The following FBLN7 variants were observed in gnomAD, a reference collection of about 807,000 sequenced individuals.
The protein encoded by FBLN7 is fibulin-7.
A neutral mutation model predicts 44.0 loss-of-function variants in FBLN7; 31 were observed. The ratio of observed to expected loss-of-function variants is 0.70; its 90% CI spans 0.53 to 0.95. The LOEUF is 0.95. Among genes scored for constraint, FBLN7 ranks in the 40% least tolerant of loss-of-function variants. FBLN7 has a pLI of 0.00. For synonymous variants in FBLN7, 262 were observed against 253.4 expected (o/e 1.03, Z -0.32); for missense variants, 573 against 618.5 (o/e 0.93, Z 0.78).
At chr2:112,196,679 C>G in the FBLN7 span, among the ~76,000 whole-genome samples, 1 of 152,154 alleles carries the variant, frequency 6.6e-6, no homozygotes, top group East Asian at 1.9e-4. Context: ...AGCTCTGTCC[C>G]AGCCTCTTGC....
At chr2:112,234,489 T>TA in the FBLN7 span, among the ~76,000 whole-genome samples, 2 of 152,154 alleles carry the variant, frequency 1.3e-5, no homozygotes, top group South Asian at 4.1e-4. Context: ...CTTTATTTTG[T>TA]AAAAATGAAT....
chr2:112,181,829 A>G lies in FBLN7; in HGVS notation c.623A>G (p.Glu208Gly), dbSNP rs530268620. 7.2e-5 allele frequency: 110 copies of G among 1,522,020 alleles called. No individual in the cohort carries two copies. In the African/African-American group the frequency reaches 1.2e-3, roughly 16 times the overall value. 94.3% of individuals were successfully genotyped at this position (1,522,020 alleles called of 1,614,324 possible). A position where few individuals can be genotyped will look rare whatever the true frequency, so the allele number is the denominator to read the frequency against. The change falls in exon 5 of 8, where the codon GAG becomes GGG. Residue 208 changes from glutamate to glycine, a missense_variant. Glu to Gly is a moderately conservative substitution (Grantham distance 98). Coordinates refer to ENST00000331203, the MANE Select transcript of FBLN7 (RefSeq NM_153214.3). ...QVERAQHCSC[E>G]AGFHLSGAAG... The stretch of plus-strand genomic sequence containing the variant: ...GAGCGGGCTCAGCACTGCAGCTGCG[A>G]GGCCGGATTCCACCTGAGCGGCGCC...
the FBLN7 span, among the ~76,000 whole-genome samples, chr2:112,220,310 G>A: frequency 4.0e-4 from 61 of 152,230 alleles, no homozygotes; most frequent in South Asian, 0.011. Flanking sequence ...CCCATATTTC[G>A]CACTCCCTTC....
intron 1 of FBLN7, among the ~76,000 whole-genome samples, chr2:112,148,714 G>T (rs866964836): frequency 6.6e-6 from 1 of 152,148 alleles, no homozygotes; most frequent in Non-Finnish European, 1.5e-5. Context: ...GCTCTGCTCC[G>T]TGAGGCCTCT....
intron 7 of FBLN7, 43 bp downstream of exon 7, chr2:112,185,382 A>G: frequency 6.3e-7 from 1 of 1,595,192 alleles, no homozygotes; most frequent in Admixed American, 1.7e-5. Flanking sequence ...CAGGCCTCCA[A>G]GTGTGGCTGG....
chr2:112,220,289 G>A, the FBLN7 span, among the ~76,000 whole-genome samples: 11 of 152,186 alleles, frequency 7.2e-5, no homozygotes, highest in Admixed American at 7.2e-4. Flanking sequence ...GGCCAGTAAT[G>A]GTCTTTACTT....
At position 112,185,327 on chromosome 2, in the gene FBLN7, A is replaced by C. The variant is rs755934346; in HGVS notation, c.935A>C (p.Lys312Thr). ...PEGSGNVSYV[K>T]TSPFQCERNP... The stretch of plus-strand genomic sequence containing the variant: ...GGCAGCGGCAATGTGAGCTACGTGA[A>C]GACGTCTCCATTGTGAGTATCTCCA... Residue 312 changes from lysine (K) to threonine (T), a missense_variant, in exon 7 of 8, where the codon AAG (lysine) becomes ACG (threonine). Physicochemically the swap from Lys to Thr is moderately conservative, Grantham distance 78. Transcript: ENST00000331203. The C allele has an allele frequency of 5.0e-6, 8 of 1,613,614 alleles. No homozygotes were observed. The highest frequency in any genetic ancestry group is 1.7e-6 in the Non-Finnish European group (2 of 1,179,620).
chr2:112,165,425 A>C (rs952345655), intron 3 of FBLN7, among the ~76,000 whole-genome samples: 6 of 152,108 alleles, frequency 3.9e-5, no homozygotes, highest in African/African-American at 1.2e-4. Context: ...AGGCACACAG[A>C]GGTTCAAGAA....
the FBLN7 span, among the ~76,000 whole-genome samples, chr2:112,193,477 C>T: frequency 6.6e-6 from 1 of 152,114 alleles, no homozygotes; most frequent in African/African-American, 2.4e-5. Context: ...TGAAGAGAGC[C>T]TATGCACATT....
Position 112,187,230 on chromosome 2 carries a change from G to T in FBLN7, c.1044G>T (p.Leu348=). The T allele has an allele frequency of 1.2e-6, 2 of 1,613,956 alleles. No homozygotes were observed. Among genetic ancestry groups the T allele is most frequent in the Non-Finnish European group, 1.7e-6 (2 of 1,179,990 alleles). The change falls in exon 8 of 8, where the codon CTG becomes CTT. Residue 348 remains leucine, a synonymous_variant. Coordinates refer to ENST00000331203, the MANE Select transcript of FBLN7 (RefSeq NM_153214.3). This position sits in a 1 kb window ranked among gnomAD's most constrained non-coding sequence, Gnocchi z 5.1. ...ATTACCTCTCTCTGCCTTCCAACCT[G>T]AAGACGCCCATCACGCTCTTCCGCA... ...SFHYLSLPSN[L]KTPITLFRMA...
chr2:112,199,255 TGACA>T, the FBLN7 span, among the ~76,000 whole-genome samples: 11 of 152,168 alleles, frequency 7.2e-5, no homozygotes, highest in Non-Finnish European at 1.2e-4. Context: ...CTTTGCATGG[TGACA>T]GACAGTTGTA....
At chr2:112,222,222 T>C in the FBLN7 span, among the ~76,000 whole-genome samples, 2 of 152,170 alleles carry the variant, frequency 1.3e-5, no homozygotes, top group Non-Finnish European at 2.9e-5. Flanking sequence ...GGAACCTCAG[T>C]TGACAGATAG....
rs1680453976 is a variant in FBLN7, at chr2:112,138,464, A to G, written c.-192A>G. On this transcript the variant is annotated 5_prime_UTR_variant, in exon 1 of 8. Transcript: ENST00000331203. The stretch of plus-strand genomic sequence containing the variant: ...GCTGCGGGCGCACCTGGACCCTCGC[A>G]AGGCCCGGGCGGCGCCGATCCCCGC... The G allele has an allele frequency of 6.2e-6, 3 of 483,200 alleles. No individual in the cohort carries two copies. The highest frequency in any genetic ancestry group is 9.1e-6 in the Non-Finnish European group (3 of 329,294). 29.9% of individuals were successfully genotyped at this position (483,200 alleles called of 1,614,324 possible).
intron 2 of FBLN7, among the ~76,000 whole-genome samples, chr2:112,160,730 ACGCACACGCACACACG>A (rs1409948602): frequency 4.1e-5 from 4 of 98,452 alleles, no homozygotes; most frequent in African/African-American, 1.9e-4. Context: ...GCGCACACGC[ACGCACACGCACACACG>A]CGCACGCACA....
intron 1 of FBLN7, among the ~76,000 whole-genome samples, chr2:112,154,357 A>G (rs1681310996): frequency 6.6e-6 from 1 of 152,214 alleles, no homozygotes; most frequent in Non-Finnish European, 1.5e-5. Context: ...GGGCGCCTCA[A>G]GAGCCCTGGA....
intron 3 of FBLN7, among the ~76,000 whole-genome samples, chr2:112,173,219 A>G (rs1330385504): frequency 6.6e-6 from 1 of 152,234 alleles, no homozygotes; most frequent in Non-Finnish European, 1.5e-5. Context: ...GCAAAGCTAT[A>G]TGGAAAACAT....
chr2:112,238,627 T>G, the FBLN7 span: 1 of 908,440 alleles, frequency 1.1e-6, no homozygotes, highest in African/African-American at 1.7e-5. Context: ...TGGTCATTGT[T>G]GAAGGTGGGT....
At chr2:112,145,366 G>T (rs1209132044) in intron 1 of FBLN7, among the ~76,000 whole-genome samples, 1 of 151,892 alleles carries the variant, frequency 6.6e-6, no homozygotes, top group East Asian at 1.9e-4. Flanking sequence ...GGAATTACTG[G>T]GCTCGAGTGA....
chr2:112,182,752 C>T, intron 5 of FBLN7, 39 bp from the exon 6 acceptor site: 1 of 1,553,576 alleles, frequency 6.4e-7, no homozygotes, highest in Non-Finnish European at 8.7e-7. Context: ...ACACTTGCTG[C>T]ATGGCTCCTA....
Sources: allele counts gnomAD v4.1 joint callset (sites outside exome capture counted in the v4.1 genomes callset), GRCh38; gene constraint gnomAD v4.1.1; non-coding constraint Gnocchi (gnomAD v3.1); transcripts MANE v1.5; gene names NCBI Gene and HGNC (gene_info 2026-07-23, HGNC 2026-07-21).